Variants in PCDH11X observed in about 807,000 individuals in gnomAD.
PCDH11X encodes the protein protocadherin-11 X-linked.
PCDH11X carries 18 observed loss-of-function variants against 53.3 expected under a neutral mutation model. That is an observed-to-expected ratio of 0.34 (90% CI 0.23 to 0.50). The LOEUF (loss-of-function observed/expected upper bound fraction) is 0.50. Ranked by LOEUF, PCDH11X falls within the 20% of genes least tolerant of loss-of-function variation. The probability of loss-of-function intolerance (pLI) is 0.98; values close to 1 mark genes in which losing one functional copy is unlikely to be tolerated. For missense variants in PCDH11X, 570 were observed against 1,032.4 expected (o/e 0.55, Z 6.14); for synonymous variants, 279 against 393.3 (o/e 0.71, Z 3.44).
At chrX:91,839,952 C>G (rs983251624) in intron 5 of PCDH11X, among the ~76,000 whole-genome samples, 20 of 111,829 alleles carry the variant, frequency 1.8e-4, no homozygotes, top group Non-Finnish European at 3.0e-4. Context: ...TGCAGTATTT[C>G]GAAGAACTGT....
intron 6 of PCDH11X, among the ~76,000 whole-genome samples, chrX:91,902,728 A>G: frequency 9.2e-6 from 1 of 109,097 alleles, no homozygotes; most frequent in East Asian, 2.9e-4. Context: ...GATTCCCTTC[A>G]ACTTCCTTTT....
At chrX:92,383,568 A>T (rs2070938307) in intron 8 of PCDH11X, among the ~76,000 whole-genome samples, 1 of 110,786 alleles carries the variant, frequency 9.0e-6, no homozygotes, top group African/African-American at 3.3e-5. Flanking sequence ...GAGTGACAAC[A>T]TGCAGTGTTT....
chrX:92,492,242 AT>A (rs2073779036), intron 10 of PCDH11X, among the ~76,000 whole-genome samples: 1 of 112,164 alleles, frequency 8.9e-6, no homozygotes, highest in Non-Finnish European at 1.9e-5. Flanking sequence ...AATTTGAAGA[AT>A]TAGAAACTAC....
intron 6 of PCDH11X, among the ~76,000 whole-genome samples, chrX:92,102,468 G>A (rs138820363): frequency 9.0e-6 from 1 of 111,040 alleles, no homozygotes; most frequent in Non-Finnish European, 1.9e-5. Flanking sequence ...TTGTTGTTTT[G>A]TAAGGGATTG....
intron 8 of PCDH11X, among the ~76,000 whole-genome samples, chrX:92,364,050 G>A (rs758696585): frequency 5.4e-5 from 6 of 111,112 alleles, no homozygotes; most frequent in East Asian, 2.8e-4. Flanking sequence ...ATATATTGTC[G>A]AATTCTGTTT....
At chrX:91,821,490 A>C (rs1936679845) in intron 4 of PCDH11X, among the ~76,000 whole-genome samples, 1 of 111,022 alleles carries the variant, frequency 9.0e-6, no homozygotes, top group Non-Finnish European at 1.9e-5. Flanking sequence ...TTGTTGGTGT[A>C]TAAGAATGCT....
intron 7 of PCDH11X, among the ~76,000 whole-genome samples, chrX:92,222,926 G>C (rs1197936383): frequency 8.9e-6 from 1 of 112,206 alleles, no homozygotes. Flanking sequence ...TTACTTTCAT[G>C]CCTATCCATG....
At chrX:92,577,554 C>T (rs1161226058) in intron 10 of PCDH11X, among the ~76,000 whole-genome samples, 5 of 108,813 alleles carry the variant, frequency 4.6e-5, no homozygotes, top group African/African-American at 1.3e-4. Context: ...TTCAGGTCCA[C>T]TCTGATCTTA....
At chrX:92,113,204 A>T in intron 6 of PCDH11X, 1 of 1,156,243 alleles carries the variant, frequency 8.6e-7, no homozygotes, top group Non-Finnish European at 1.1e-6. Context: ...GCCCCCCGAG[A>T]TTGAGCCCTG....
intron 6 of PCDH11X, among the ~76,000 whole-genome samples, chrX:92,079,842 C>T (rs747573675): frequency 1.7e-4 from 19 of 111,570 alleles, no homozygotes; most frequent in East Asian, 5.7e-4. Flanking sequence ...TTGATGGTAA[C>T]GGTTGCTCAG....
chrX:92,534,889 A>C (rs2148730210), intron 10 of PCDH11X, among the ~76,000 whole-genome samples: 1 of 111,971 alleles, frequency 8.9e-6, no homozygotes, highest in African/African-American at 3.2e-5. Flanking sequence ...GCCTTACAAG[A>C]GCTCCTGAAG....
intron 5 of PCDH11X, among the ~76,000 whole-genome samples, chrX:91,864,415 C>T (rs954475075): frequency 9.6e-5 from 10 of 104,378 alleles, no homozygotes; most frequent in Non-Finnish European, 5.8e-5. Flanking sequence ...TGTGTATTTT[C>T]CCTCTCTTGC....
At chrX:92,219,057 A>G (rs993259179) in intron 7 of PCDH11X, among the ~76,000 whole-genome samples, 124 of 111,422 alleles carry the variant, frequency 1.1e-3, no homozygotes, top group Non-Finnish European at 1.9e-3. Flanking sequence ...CAAAATAATT[A>G]GAGCTATCTA....
At chrX:91,822,309 T>C (rs1172331141) in intron 4 of PCDH11X, among the ~76,000 whole-genome samples, 1 of 105,893 alleles carries the variant, frequency 9.4e-6, no homozygotes, top group Non-Finnish European at 1.9e-5. Context: ...GGTCCTGGAC[T>C]CTTTTTGGTT....
intron 6 of PCDH11X, among the ~76,000 whole-genome samples, chrX:92,101,495 T>G (rs754874914): frequency 6.3e-5 from 7 of 111,288 alleles, no homozygotes; most frequent in Non-Finnish European, 1.1e-4. Flanking sequence ...GATGGAGGAC[T>G]GTAAGGGATA....
chrX:91,930,418 G>T (rs1369523645), intron 6 of PCDH11X, among the ~76,000 whole-genome samples: 2 of 103,151 alleles, frequency 1.9e-5, no homozygotes, highest in Non-Finnish European at 3.9e-5. Context: ...ATTCTGTAAA[G>T]TAACAGATAA....
intron 8 of PCDH11X, among the ~76,000 whole-genome samples, chrX:92,283,548 TA>T (rs1244974975): frequency 8.9e-6 from 1 of 111,744 alleles, no homozygotes; most frequent in Non-Finnish European, 1.9e-5. Context: ...TTTTGCTACT[TA>T]CAACAATGTT....
intron 6 of PCDH11X, among the ~76,000 whole-genome samples, chrX:91,884,669 T>C (rs1170209512): frequency 9.2e-6 from 1 of 109,116 alleles, no homozygotes; most frequent in Non-Finnish European, 1.9e-5. Context: ...AATGACATGT[T>C]CCAATTTTAT....
At chrX:91,821,175 T>C (rs975133009) in intron 4 of PCDH11X, among the ~76,000 whole-genome samples, 50 of 109,358 alleles carry the variant, frequency 4.6e-4, no homozygotes, top group African/African-American at 1.6e-3. Flanking sequence ...TGGTTCCATA[T>C]GAACTTTATA....
Sources: gnomAD v4.1 joint callset for allele counts (sites outside exome capture counted in the v4.1 genomes callset) on GRCh38, gnomAD v4.1.1 for gene constraint, MANE v1.5 for transcripts, NCBI Gene and HGNC (gene_info 2026-07-23, HGNC 2026-07-21) for gene names.